The following RAPGEF4 variants were observed in gnomAD, a reference collection of about 807,000 sequenced individuals.
RAPGEF4 encodes the protein RAP guanine-nucleotide-exchange factor (GEF) 4.
RAPGEF4 carries 66 observed loss-of-function variants against 147.9 expected under a neutral mutation model. The observed-to-expected ratio is 0.45, with a 90% CI of 0.37 to 0.55. The LOEUF (loss-of-function observed/expected upper bound fraction) is 0.55. Among genes scored for constraint, RAPGEF4 ranks in the 20% least tolerant of loss-of-function variants. The pLI, the probability that RAPGEF4 is intolerant of heterozygous loss-of-function variation, is 0.00. For synonymous variants in RAPGEF4, 419 were observed against 442.7 expected (o/e 0.95, Z 0.67); for missense variants, 1,071 against 1,257.3 (o/e 0.85, Z 2.24).
In RAPGEF4 at chr2:173,030,233, C is replaced by T. The variant is rs763951805; in HGVS notation, c.2628C>T (p.Ser876=). Residue 876 remains serine (S), a synonymous_variant, in exon 26 of 31, where the codon AGC becomes AGT. Transcript: ENST00000397081. ...TGGGACTAAGTAACGTTGCTGTGAGCCGCTTGGCACTAACGTGGGAGGTAA... is the reference window on the plus strand; with the variant it reads ...TGGGACTAAGTAACGTTGCTGTGAGTCGCTTGGCACTAACGTGGGAGGTAA... ...IVMGLSNVAV[S]RLALTWEKLP... The T allele has an allele frequency of 1.9e-6, 3 of 1,613,074 alleles. No homozygotes were observed. The highest frequency in any genetic ancestry group is 2.5e-6 in the Non-Finnish European group (3 of 1,179,028).
At chr2:172,979,853 C>A (rs1253206184) in intron 10 of RAPGEF4, among the ~76,000 whole-genome samples, 1 of 151,986 alleles carries the variant, frequency 6.6e-6, no homozygotes, top group African/African-American at 2.4e-5. Flanking sequence ...CCCGTCTCTA[C>A]CAAAAAATAC....
intron 1 of RAPGEF4, among the ~76,000 whole-genome samples, chr2:172,784,828 AT>A (rs34032216): frequency 9.8e-4 from 141 of 143,432 alleles, no homozygotes; most frequent in Middle Eastern, 3.6e-3. Context: ...ATGAGATTCT[AT>A]TTTTTTTTTT....
chr2:172,909,383 C>A (rs1699898218), intron 4 of RAPGEF4, among the ~76,000 whole-genome samples: 1 of 152,222 alleles, frequency 6.6e-6, no homozygotes, highest in Non-Finnish European at 1.5e-5. Flanking sequence ...TCTCTGCTAA[C>A]TCTCTATCAT....
chr2:172,818,585 G>A (rs975143099), intron 4 of RAPGEF4, among the ~76,000 whole-genome samples: 8 of 152,042 alleles, frequency 5.3e-5, no homozygotes, highest in Admixed American at 3.3e-4. Flanking sequence ...CATGGCAGGC[G>A]CTCTTATGTT....
intron 4 of RAPGEF4, among the ~76,000 whole-genome samples, chr2:172,875,976 G>T (rs1290286582): frequency 6.6e-6 from 1 of 152,108 alleles, no homozygotes; most frequent in Non-Finnish European, 1.5e-5. Context: ...TTGTAAGCTG[G>T]ATTCCTAGGT....
At chr2:172,780,688 T>G (rs1684603139) in intron 1 of RAPGEF4, among the ~76,000 whole-genome samples, 3 of 152,200 alleles carry the variant, frequency 2.0e-5, no homozygotes, top group Non-Finnish European at 4.4e-5. Context: ...TAGCGCTATC[T>G]CATTTTTTCT....
intron 1 of RAPGEF4, among the ~76,000 whole-genome samples, chr2:172,749,957 G>A (rs555534699): frequency 6.6e-6 from 1 of 152,138 alleles, no homozygotes; most frequent in South Asian, 2.1e-4. Flanking sequence ...AACATAGCAA[G>A]AGTCACCTTT....
At chr2:172,941,418 A>T (rs1162813392) in intron 6 of RAPGEF4, among the ~76,000 whole-genome samples, 1 of 152,114 alleles carries the variant, frequency 6.6e-6, no homozygotes, top group Non-Finnish European at 1.5e-5. Flanking sequence ...ATTGTTTCTA[A>T]TTTGACTATT....
chr2:173,011,166 GCGCGCACA>G (rs1338233969), intron 17 of RAPGEF4, among the ~76,000 whole-genome samples: 8 of 71,998 alleles, frequency 1.1e-4, no homozygotes, highest in African/African-American at 3.6e-4. Flanking sequence ...TTCAGCGCGC[GCGCGCACA>G]CACACACACA....
At chr2:172,933,054 A>G (rs531670587) in intron 6 of RAPGEF4, among the ~76,000 whole-genome samples, 4 of 152,342 alleles carry the variant, frequency 2.6e-5, no homozygotes, top group South Asian at 2.1e-4. Context: ...TAAAAAGTCA[A>G]TTCATGCACC....
chr2:173,010,211 A>G (rs923133373), intron 17 of RAPGEF4, among the ~76,000 whole-genome samples: 1 of 152,256 alleles, frequency 6.6e-6, no homozygotes, highest in Non-Finnish European at 1.5e-5. Context: ...TGTGTCAGTG[A>G]TAAGTTTGGC....
At chr2:172,788,902 A>T (rs1685519353) in intron 1 of RAPGEF4, among the ~76,000 whole-genome samples, 1 of 151,910 alleles carries the variant, frequency 6.6e-6, no homozygotes, top group South Asian at 2.1e-4. Context: ...TAAATAAAAT[A>T]AAATAAAATA....
At chr2:172,858,248 T>C (rs1370285315) in intron 4 of RAPGEF4, among the ~76,000 whole-genome samples, 2 of 152,222 alleles carry the variant, frequency 1.3e-5, no homozygotes, top group East Asian at 3.9e-4. Flanking sequence ...ACCAAATTAT[T>C]AATTTCATCG....
intron 17 of RAPGEF4, among the ~76,000 whole-genome samples, chr2:173,011,852 C>CA (rs35418559): frequency 0.49 from 70,087 of 143,194 alleles, 16,926 homozygotes; most frequent in East Asian, 0.86. Flanking sequence ...GACTCCGTCT[C>CA]AAAAAAAAAA....
intron 4 of RAPGEF4, among the ~76,000 whole-genome samples, chr2:172,857,840 C>T (rs1045323007): frequency 3.9e-5 from 5 of 128,872 alleles, no homozygotes; most frequent in Non-Finnish European, 4.7e-5. Flanking sequence ...CCATGACCTA[C>T]GGCTGTACTC....
intron 4 of RAPGEF4, 50 bp downstream of exon 4, chr2:172,814,475 G>C (rs992321250): frequency 2.5e-6 from 4 of 1,587,926 alleles, no homozygotes; most frequent in Non-Finnish European, 3.5e-6. Flanking sequence ...GAAAAGAAAG[G>C]GAGCTGCCAC....
chr2:172,738,379 C>G (rs1694004104), intron 1 of RAPGEF4, among the ~76,000 whole-genome samples: 2 of 152,070 alleles, frequency 1.3e-5, no homozygotes, highest in African/African-American at 4.8e-5. Flanking sequence ...GGTGGGACGG[C>G]TCTATAAACA....
intron 1 of RAPGEF4, among the ~76,000 whole-genome samples, chr2:172,737,565 A>G (rs141274723): frequency 1.7e-3 from 265 of 152,324 alleles, no homozygotes; most frequent in Middle Eastern, 0.01. Flanking sequence ...GCAAAATCAT[A>G]GAGCAATACT....
At chr2:172,897,759 A>ATTT (rs1271990747) in intron 4 of RAPGEF4, among the ~76,000 whole-genome samples, 1 of 150,872 alleles carries the variant, frequency 6.6e-6, no homozygotes, top group African/African-American at 2.4e-5. Flanking sequence ...ATTTTATTTT[A>ATTT]TTTTATTTAT....
Sources: allele counts gnomAD v4.1 joint callset (sites outside exome capture counted in the v4.1 genomes callset), GRCh38; gene constraint gnomAD v4.1.1; transcripts MANE v1.5; gene names NCBI Gene and HGNC (gene_info 2026-07-23, HGNC 2026-07-21).